NGB: variants seen among roughly 807,000 people sequenced by gnomAD.
The protein encoded by NGB is neuroglobin, also known as nitrite reductase.
Under a neutral mutation model 17.3 loss-of-function variants are expected in NGB, and 12 were observed. That is an observed-to-expected ratio of 0.69 (90% CI 0.45 to 1.13). The LOEUF (loss-of-function observed/expected upper bound fraction) is 1.13. NGB is among the 50% of genes most tolerant of loss of function. NGB has a pLI of 0.00. For synonymous variants in NGB, 87 were observed against 81.0 expected, an observed-to-expected ratio of 1.07 and a Z score of -0.40; for missense variants, 195 against 191.7, an observed-to-expected ratio of 1.02 and a Z score of -0.10.
intron 3 of NGB, among the ~76,000 whole-genome samples, chr14:77,266,964 C>T (rs747508878): frequency 1.3e-5 from 2 of 152,222 alleles, no homozygotes; most frequent in Non-Finnish European, 2.9e-5. Context: ...CCAGCTTAGA[C>T]CAAACCAAGT....
chr14:77,266,292 A>C lies in NGB; in HGVS notation c.*244T>G, dbSNP rs1566636492. 1 of 749,734 alleles carries C rather than the reference A, an allele frequency of 1.3e-6. No homozygotes were observed. Among genetic ancestry groups the C allele is most frequent in the Admixed American group, 1.7e-5 (1 of 57,858 alleles). 46.4% of individuals were successfully genotyped at this position (749,734 alleles called of 1,614,324 possible). ...CAGAGGGAGTGCCAAAAAAGGTAAA[A>C]AGAAACGCAAGAAAGAGGCTACTGG... On this transcript the variant is annotated 3_prime_UTR_variant, in exon 4 of 4. Coordinates refer to ENST00000298352, the MANE Select transcript of NGB (RefSeq NM_021257.4).
rs778883793 is a variant in NGB at position 77,268,581 on chromosome 14, A to G, written c.206T>C (p.Met69Thr). 2.5e-6 allele frequency: 4 copies of G among 1,613,936 alleles called. No homozygotes were observed. The change falls in exon 3 of 4, where the codon ATG (methionine) becomes ACG (threonine). Residue 69 changes from methionine (M) to threonine (T), a missense_variant. Coordinates refer to ENST00000298352, the MANE Select transcript of NGB (RefSeq NM_021257.4). ...GGTCACTGCAGCATCAATCACGAGC[A>G]TCACCTGCCAAGGCCAAGGCAGCAG... ...PEFLDHIRKVMLVIDAAVTNV... is the reference protein window; with the variant it reads ...PEFLDHIRKVTLVIDAAVTNV...
At chr14:77,270,782 G>A (rs942454073) in intron 1 of NGB, 67 bp downstream of exon 1, 48 of 1,366,560 alleles carry the variant, frequency 3.5e-5, no homozygotes, top group Non-Finnish European at 4.6e-5. Flanking sequence ...GGCCGGTCCT[G>A]CCGCGTGACC....
At position 77,270,983 on chromosome 14, in the gene NGB, G is replaced by A. The variant is rs751555750; in HGVS notation, c.-46C>T. On this transcript the variant is annotated 5_prime_UTR_variant, in exon 1 of 4. Transcript: ENST00000298352. ...CGCGGGGCTGGGACCCTCAGGGCTCGGGTGCCGTCACCGCACGTGCCGCGC... is the reference window on the plus strand; with the variant it reads ...CGCGGGGCTGGGACCCTCAGGGCTCAGGTGCCGTCACCGCACGTGCCGCGC... The A allele has an allele frequency of 3.6e-6, 5 of 1,406,130 alleles. No individual in the cohort carries two copies. The South Asian group carries it at 6.6e-5, about 18-fold the overall frequency. The allele number at this position is 1,406,130 out of a possible 1,614,324, so 87.1% of individuals were successfully genotyped here.
At chr14:77,269,675 TC>T in intron 1 of NGB, among the ~76,000 whole-genome samples, 2 of 946 alleles carry the variant, frequency 2.1e-3, no homozygotes, top group Admixed American at 5.2e-3. Flanking sequence ...CCTTTCTCTC[TC>T]TCTCTCTCTC....
At chr14:77,266,719 G>A (rs1461827780) in intron 3 of NGB, 49 bp from the exon 4 acceptor site, 11 of 1,598,078 alleles carry the variant, frequency 6.9e-6, no homozygotes, top group Admixed American at 1.7e-5. Context: ...GAAAGGCACT[G>A]CTCCATTCCA....
Position 77,265,740 on chromosome 14 carries a change from A to C in NGB, c.*796T>G, listed in dbSNP as rs1313071943. 6.4e-6 allele frequency: 1 copy of C among 156,144 alleles called. No individual in the cohort carries two copies. The highest frequency in any genetic ancestry group is 1.4e-5 in the Non-Finnish European group (1 of 70,062). The allele number at this position is 156,144 out of a possible 1,614,324, so 9.7% of individuals were successfully genotyped here. A position where few individuals can be genotyped will look rare whatever the true frequency, so the allele number is the denominator to read the frequency against. The stretch of plus-strand genomic sequence containing the variant: ...TCACTCCTGCAGGAGCGGGTTGGTG[A>C]TGAAGGGCTGGGGGAACTCGGGTCT... On this transcript the variant is annotated 3_prime_UTR_variant, in exon 4 of 4. Coordinates refer to ENST00000298352, the MANE Select transcript of NGB (RefSeq NM_021257.4). This position sits in a 1 kb window ranked among gnomAD's most constrained non-coding sequence, Gnocchi z 4.7.
chr14:77,270,898 G>A lies in NGB; in HGVS notation c.40C>T (p.Arg14Trp), dbSNP rs1326629840. The change falls in exon 1 of 4, where the codon CGG (arginine) becomes TGG (tryptophan). Residue 14 changes from arginine to tryptophan, a missense_variant. Arg to Trp is a moderately radical substitution (Grantham distance 101). Coordinates refer to ENST00000298352, the MANE Select transcript of NGB (RefSeq NM_021257.4). ...TCCAGCGGGCTGCGGCTCACTGCCC[G>A]CCAGCTCTGCCGGATCAGCTCGGGC... The part of the protein sequence containing the change: ...PEPELIRQSW[R>W]AVSRSPLEHG... The A allele has an allele frequency of 3.2e-6, 5 of 1,582,458 alleles. No individual in the cohort carries two copies. The highest frequency in any genetic ancestry group is 4.3e-6 in the Non-Finnish European group (5 of 1,171,092).
chr14:77,268,642 C>A lies in NGB; in HGVS notation c.202-57G>T, dbSNP rs1889707169. ...AGGCCAGAGCAGCCCCATCTGCTCACAATCACAGCCCAAGGCATGAGGGTC... is the reference window on the plus strand; with the variant it reads ...AGGCCAGAGCAGCCCCATCTGCTCAAAATCACAGCCCAAGGCATGAGGGTC... On this transcript the variant is annotated intron_variant, in intron 2 of 3. Transcript: ENST00000298352. The A allele has an allele frequency of 5.0e-6, 8 of 1,604,122 alleles. No homozygotes were observed. The South Asian group carries it at 7.8e-5, about 16-fold the overall frequency.
At position 77,266,408 on chromosome 14, in the gene NGB, A is replaced by G; in HGVS notation, c.*128T>C. The G allele has an allele frequency of 7.6e-7, 1 of 1,309,738 alleles. No individual in the cohort carries two copies. Among genetic ancestry groups the G allele is most frequent in the South Asian group, 1.2e-5 (1 of 81,582 alleles). 81.1% of individuals were successfully genotyped at this position (1,309,738 alleles called of 1,614,324 possible). ...GGATACTGAGACCCAGCCCTGCCCC[A>G]TCACCTCTCCAGTGTGGCCAAGGGG... On this transcript the variant is annotated 3_prime_UTR_variant, in exon 4 of 4. Transcript: ENST00000298352.
intron 1 of NGB, 124 bp from the exon 2 acceptor site, chr14:77,269,450 G>A: frequency 1.6e-6 from 1 of 627,612 alleles, no homozygotes; most frequent in Non-Finnish European, 2.9e-6. Flanking sequence ...AACCACAGCT[G>A]ACTCTCCCAC....
At chr14:77,269,719 T>C (rs866979999) in intron 1 of NGB, among the ~76,000 whole-genome samples, 15 of 2,390 alleles carry the variant, frequency 6.3e-3, no homozygotes, top group East Asian at 0.011. Context: ...TCTCTCTCTC[T>C]CTCTCTCTTC....
rs45555136 is a variant in NGB at position 77,268,406 on chromosome 14, G to T, written c.321+60C>A. ...GAGAACAGGTGGCAAGGGGAGGTCT[G>T]GGAGAGAGAAGTGGCCCCAGGCCAG... On this transcript the variant is annotated intron_variant, in intron 3 of 3. Transcript: ENST00000298352. 8.1e-4 allele frequency: 1,279 copies of T among 1,580,214 alleles called. 5 individuals carry two copies. The highest frequency in any genetic ancestry group is 5.9e-3 in the Middle Eastern group (34 of 5,788).
In NGB at chr14:77,271,046, C is replaced by A. The variant is rs912381417; in HGVS notation, c.-109G>T. ...GACGCGGTCCCCTCCGCCCCTCGTA[C>A]GCCCCCCGTGCCTCCGCCCGGCGGG... On this transcript the variant is annotated 5_prime_UTR_variant, in exon 1 of 4. Coordinates refer to ENST00000298352, the MANE Select transcript of NGB (RefSeq NM_021257.4). 2.1e-4 allele frequency: 168 copies of A among 782,994 alleles called. No homozygotes were observed. Among genetic ancestry groups the A allele is most frequent in the Non-Finnish European group, 5.1e-5 (27 of 531,516 alleles). 48.5% of individuals were successfully genotyped at this position (782,994 alleles called of 1,614,324 possible).
At position 77,270,866 on chromosome 14, in the gene NGB, G is replaced by T; in HGVS notation, c.72C>A (p.Gly24=). ...GCCCTCACCTGGCAAACAGGACGGT[G>T]CCGTGCTCCAGCGGGCTGCGGCTCA... ...RAVSRSPLEH[G]TVLFARLFAL... The change falls in exon 1 of 4, where the codon GGC becomes GGA. Residue 24 remains glycine (G), a synonymous_variant. Transcript: ENST00000298352. The T allele has an allele frequency of 1.3e-6, 2 of 1,585,980 alleles. No homozygotes were observed. The highest frequency in any genetic ancestry group is 1.1e-5 in the South Asian group (1 of 88,768).
chr14:77,269,115 G>A, intron 2 of NGB, 100 bp downstream of exon 2: 1 of 761,986 alleles, frequency 1.3e-6, no homozygotes, highest in Non-Finnish European at 2.2e-6. Flanking sequence ...CTGGAAGGGA[G>A]TAAGACTAGA....
chr14:77,267,033 C>T (rs921197746), intron 3 of NGB, among the ~76,000 whole-genome samples: 6 of 152,222 alleles, frequency 3.9e-5, no homozygotes, highest in African/African-American at 1.4e-4. Flanking sequence ...GGTTAAGAGC[C>T]TGGGCTCTGG....
Position 77,266,360 on chromosome 14 carries a change from A to T in NGB, c.*176T>A. ...GAAGCCCCTTCCTGGAGGAAAAGCC[A>T]CTCCTTCTGCAGCTGGACTCTAGGA... On this transcript the variant is annotated 3_prime_UTR_variant, in exon 4 of 4. Coordinates refer to ENST00000298352, the MANE Select transcript of NGB (RefSeq NM_021257.4). 1 of 894,546 alleles carries T rather than the reference A, an allele frequency of 1.1e-6. No individual in the cohort carries two copies. Among genetic ancestry groups the T allele is most frequent in the Non-Finnish European group, 1.9e-6 (1 of 525,282 alleles). 55.4% of individuals were successfully genotyped at this position (894,546 alleles called of 1,614,324 possible). A position where few individuals can be genotyped will look rare whatever the true frequency, so the allele number is the denominator to read the frequency against.
intron 1 of NGB, among the ~76,000 whole-genome samples, chr14:77,269,831 A>C: frequency 1.1e-5 from 1 of 87,938 alleles, no homozygotes; most frequent in Admixed American, 1.8e-4. Context: ...CCCTGCGCTG[A>C]GTACTTTCCG....
Sources: allele counts gnomAD v4.1 joint callset (sites outside exome capture counted in the v4.1 genomes callset), GRCh38; gene constraint gnomAD v4.1.1; non-coding constraint Gnocchi (gnomAD v3.1); transcripts MANE v1.5; gene names NCBI Gene and HGNC (gene_info 2026-07-23, HGNC 2026-07-21).